PCDHGB1: variants seen among roughly 807,000 people sequenced by gnomAD.
PCDHGB1 encodes protocadherin gamma subfamily B, 1.
A neutral mutation model predicts 56.6 loss-of-function variants in PCDHGB1; 34 were observed. That is an observed-to-expected ratio of 0.60 (90% confidence interval 0.46 to 0.80). The LOEUF (loss-of-function observed/expected upper bound fraction) is 0.80, where lower values mean the gene tolerates loss of function less well. Ranked by LOEUF, PCDHGB1 falls within the 30% of genes least tolerant of loss-of-function variation. PCDHGB1 has a pLI of 0.00. For missense variants in PCDHGB1, 1,278 were observed against 1,204.6 expected, an observed-to-expected ratio of 1.06 and a Z score of -0.90; for synonymous variants, 561 against 505.9, an observed-to-expected ratio of 1.11 and a Z score of -1.46.
Position 141,382,148 on chromosome 5 carries a change from G to T in PCDHGB1, c.2409+29479G>T, listed in dbSNP as rs368948292. 1.1e-3 allele frequency among the ~76,000 whole-genome samples: 162 copies of T among 151,932 alleles called. 4 individuals are homozygous for T. In the South Asian group the frequency reaches 0.024, roughly 23 times the overall value. Reference sequence around the variant, plus strand: ...TGGCCCCCCCTCTCATTTTTTAAACGGTTAAAATGAAGGTGTTAGACCGTC... The same window carrying T: ...TGGCCCCCCCTCTCATTTTTTAAACTGTTAAAATGAAGGTGTTAGACCGTC... On this transcript the variant is annotated intron_variant, in intron 1 of 3. Coordinates refer to ENST00000523390, the MANE Select transcript of PCDHGB1 (RefSeq NM_018922.3).
chr5:141,414,371 A>G (rs1447111430), intron 1 of PCDHGB1: 1 of 1,613,954 alleles, frequency 6.2e-7, no homozygotes, highest in South Asian at 1.1e-5. Flanking sequence ...TTTAAATTAG[A>G]AAAGTCCATT....
Position 141,481,770 on chromosome 5 carries a change from G to T in PCDHGB1, c.2410-13037G>T, listed in dbSNP as rs188953511. 6.1e-3 allele frequency among the ~76,000 whole-genome samples: 929 copies of T among 152,184 alleles called. 10 individuals are homozygous for T. Among genetic ancestry groups the T allele is most frequent in the African/African-American group, 0.022 (895 of 41,516 alleles). On this transcript the variant is annotated intron_variant, in intron 1 of 3. Coordinates refer to ENST00000523390, the MANE Select transcript of PCDHGB1 (RefSeq NM_018922.3). ...AGTCCAAGACCAGCCTGGCCAACAT[G>T]GTGAAACCCCGTCTCTACTAAAAAT... is the stretch of plus-strand genomic sequence containing the variant.
chr5:141,423,626 T>C (rs745796529), intron 1 of PCDHGB1: 1 of 1,606,498 alleles, frequency 6.2e-7, no homozygotes, highest in South Asian at 1.1e-5. Context: ...GACTCAGCTA[T>C]CATTTTAGGC....
intron 1 of PCDHGB1, among the ~76,000 whole-genome samples, chr5:141,449,081 C>T (rs2098627623): frequency 6.6e-6 from 1 of 152,180 alleles, no homozygotes; most frequent in South Asian, 2.1e-4. Flanking sequence ...CCTGTACCTA[C>T]ATCAGTTTTT....
At chr5:141,382,942 C>A (rs763091165) in intron 1 of PCDHGB1, 5 of 1,595,522 alleles carry the variant, frequency 3.1e-6, no homozygotes, top group Non-Finnish European at 4.3e-6. Flanking sequence ...AGGATTCTTC[C>A]TGCTCTCCAT....
At chr5:141,408,188 G>A in intron 1 of PCDHGB1, 6 of 1,543,620 alleles carry the variant, frequency 3.9e-6, no homozygotes, top group Non-Finnish European at 4.4e-6. Flanking sequence ...GACCCAGCGA[G>A]AACCCGAGCG....
At chr5:141,421,376 C>T in intron 1 of PCDHGB1, 2 of 1,614,030 alleles carry the variant, frequency 1.2e-6, no homozygotes, top group Non-Finnish European at 1.7e-6. Context: ...GGCAATATCT[C>T]CAAGGACCTG....
chr5:141,360,084 T>A (rs1761414694), intron 1 of PCDHGB1: 1 of 1,492,590 alleles, frequency 6.7e-7, no homozygotes, highest in South Asian at 1.4e-5. Context: ...GATTCTGCCA[T>A]CCCCGGAAGG....
chr5:141,392,804 CA>C (rs1345839746), intron 1 of PCDHGB1: 1 of 1,573,894 alleles, frequency 6.4e-7, no homozygotes, highest in African/African-American at 1.4e-5. Flanking sequence ...GATTCTGCAG[CA>C]AAACAACAAT....
In PCDHGB1 at chr5:141,432,011, TACA is replaced by T. The variant is rs1296391274; in HGVS notation, c.2410-62792_2410-62790del. 2 of 1,614,202 alleles carry T rather than the reference TACA, an allele frequency of 1.2e-6. No homozygotes were observed. Among genetic ancestry groups the T allele is most frequent in the South Asian group, 2.2e-5 (2 of 91,084 alleles). On this transcript the variant is annotated intron_variant, in intron 1 of 3. Transcript: ENST00000523390. This position sits in a 1 kb window ranked among gnomAD's most constrained non-coding sequence, Gnocchi z 6.0. The stretch of plus-strand genomic sequence containing the variant: ...CTTGGATAGGGAACAGGTTCCTAGC[TACA>T]ACATCACAGTGACCGCCACTGACCG...
intron 1 of PCDHGB1, among the ~76,000 whole-genome samples, chr5:141,474,588 A>G (rs2099351676): frequency 6.6e-6 from 1 of 152,258 alleles, no homozygotes; most frequent in Non-Finnish European, 1.5e-5. Context: ...TGTTAAAGAC[A>G]TGGAAATATA....
chr5:141,448,639 T>A (rs1248697237), intron 1 of PCDHGB1, among the ~76,000 whole-genome samples: 1 of 152,148 alleles, frequency 6.6e-6, no homozygotes, highest in Admixed American at 6.6e-5. Flanking sequence ...CATTATATCC[T>A]TTAAAAATAT....
At chr5:141,407,524 C>CT (rs2094949017) in intron 1 of PCDHGB1, among the ~76,000 whole-genome samples, 1 of 146,696 alleles carries the variant, frequency 6.8e-6, no homozygotes, top group Admixed American at 6.8e-5. Flanking sequence ...TAGGACTTAA[C>CT]TTATTGTGCA....
At chr5:141,430,682 C>A (rs2097302907) in intron 1 of PCDHGB1, 1 of 1,361,564 alleles carries the variant, frequency 7.3e-7, no homozygotes, top group South Asian at 1.7e-5. Flanking sequence ...CCAACTGTCC[C>A]ATTCTATGGG....
chr5:141,369,839 G>A (rs1482165947), intron 1 of PCDHGB1, among the ~76,000 whole-genome samples: 6 of 152,096 alleles, frequency 3.9e-5, no homozygotes, highest in Non-Finnish European at 7.4e-5. Context: ...GATTTTCTAT[G>A]TATTATTTTA....
chr5:141,494,781 C>T, intron 1 of PCDHGB1, 26 bp from the exon 2 acceptor site: 1 of 1,614,074 alleles, frequency 6.2e-7, no homozygotes, highest in African/African-American at 1.3e-5. Flanking sequence ...GGGTACTCAG[C>T]CCCTTTCCCT....
At chr5:141,381,178 G>A (rs1267503052) in intron 1 of PCDHGB1, among the ~76,000 whole-genome samples, 1 of 152,222 alleles carries the variant, frequency 6.6e-6, no homozygotes, top group African/African-American at 2.4e-5. Flanking sequence ...CCCACAAAAC[G>A]AAGTTAAGCT....
intron 1 of PCDHGB1, among the ~76,000 whole-genome samples, chr5:141,457,698 G>C (rs1008393847): frequency 7.9e-5 from 12 of 152,234 alleles, no homozygotes; most frequent in Admixed American, 5.2e-4. Flanking sequence ...GATTGGCTTT[G>C]ATGAAACACT....
chr5:141,473,219 G>A (rs1198994780), intron 1 of PCDHGB1, among the ~76,000 whole-genome samples: 2 of 151,864 alleles, frequency 1.3e-5, no homozygotes, highest in Non-Finnish European at 2.9e-5. Flanking sequence ...TTACTTCCAG[G>A]GAGATTGGAT....
Sources: allele counts gnomAD v4.1 joint callset (sites outside exome capture counted in the v4.1 genomes callset), GRCh38; gene constraint gnomAD v4.1.1; non-coding constraint Gnocchi (gnomAD v3.1); transcripts MANE v1.5; gene names NCBI Gene and HGNC (gene_info 2026-07-23, HGNC 2026-07-21).